ANOS1: variants seen among roughly 807,000 people sequenced by gnomAD.
The protein encoded by ANOS1 is anosmin 1.
ANOS1 carries 6 observed loss-of-function variants against 59.0 expected under a neutral mutation model. The ratio of observed to expected loss-of-function variants is 0.10; its 90% CI spans 0.06 to 0.20. The LOEUF (loss-of-function observed/expected upper bound fraction) is 0.20, where lower values mean the gene tolerates loss of function less well. Among genes scored for constraint, ANOS1 ranks in the 10% least tolerant of loss-of-function variants. The pLI, the probability that ANOS1 is intolerant of heterozygous loss-of-function variation, is 1.00. For synonymous variants in ANOS1, 217 were observed against 223.4 expected (o/e 0.97, Z 0.25); for missense variants, 433 against 542.3 (o/e 0.80, Z 2.00).
In ANOS1 at chrX:8,585,319, C is replaced by T; in HGVS notation, c.804G>A (p.Val268=). The T allele has an allele frequency of 8.3e-7, 1 of 1,209,923 alleles. No individual in the cohort carries two copies. Among genetic ancestry groups the T allele is most frequent in the Non-Finnish European group, 1.1e-6 (1 of 893,740 alleles). ...WYQFRVAAVN[V]HGTRGFTAPS... is the part of the protein sequence containing the mutation. ...GGGCAGTGAAGCCTCGAGTTCCATG[C>T]ACATTCACAGCAGCCACTCGAAACT... is the stretch of plus-strand genomic sequence containing the variant. The change falls in exon 6 of 14, where the codon GTG becomes GTA. Residue 268 remains valine (V), a synonymous_variant. Transcript: ENST00000262648.
intron 3 of ANOS1, among the ~76,000 whole-genome samples, chrX:8,599,241 G>C (rs1930797533): frequency 8.9e-6 from 1 of 112,332 alleles, no homozygotes; most frequent in African/African-American, 3.2e-5. Context: ...GTTCCTCAAC[G>C]TTGGAAGTGG....
intron 3 of ANOS1, among the ~76,000 whole-genome samples, chrX:8,615,490 C>A (rs767624516): frequency 1.9e-5 from 2 of 104,464 alleles, no homozygotes; most frequent in African/African-American, 7.1e-5. Flanking sequence ...TTGCACTGAG[C>A]CGAGATCGTG....
intron 2 of ANOS1, among the ~76,000 whole-genome samples, chrX:8,658,649 A>G (rs1202842737): frequency 8.9e-6 from 1 of 112,439 alleles, no homozygotes; most frequent in African/African-American, 3.2e-5. Flanking sequence ...AATTGTAGCC[A>G]TGGAACAACC....
intron 2 of ANOS1, among the ~76,000 whole-genome samples, chrX:8,657,914 G>A (rs1931961257): frequency 1.8e-5 from 2 of 111,272 alleles, no homozygotes; most frequent in African/African-American, 6.5e-5. Flanking sequence ...GTACCTGGGG[G>A]TCACCTGCAC....
intron 8 of ANOS1, among the ~76,000 whole-genome samples, chrX:8,558,293 C>T (rs1327228754): frequency 3.6e-5 from 4 of 111,061 alleles, no homozygotes; most frequent in Non-Finnish European, 7.5e-5. Flanking sequence ...GCATGTTCTG[C>T]ACATGTATCC....
At chrX:8,694,421 C>A (rs1427534166) in intron 2 of ANOS1, among the ~76,000 whole-genome samples, 1 of 112,602 alleles carries the variant, frequency 8.9e-6, no homozygotes, top group Non-Finnish European at 1.9e-5. Context: ...GTAATCCCAG[C>A]ACTTTGGGAG....
intron 4 of ANOS1, among the ~76,000 whole-genome samples, chrX:8,590,232 A>G (rs974193047): frequency 2.7e-5 from 3 of 111,854 alleles, no homozygotes; most frequent in Non-Finnish European, 3.8e-5. Context: ...TTATTTGTCA[A>G]TCTATCTCCT....
chrX:8,704,620 A>T (rs1233872823), intron 1 of ANOS1, among the ~76,000 whole-genome samples: 3 of 112,790 alleles, frequency 2.7e-5, no homozygotes, highest in Non-Finnish European at 3.7e-5. Flanking sequence ...TGTCATTACA[A>T]AGAAATATTT....
chrX:8,560,487 C>T (rs945373728), intron 8 of ANOS1, among the ~76,000 whole-genome samples: 30 of 111,896 alleles, frequency 2.7e-4, no homozygotes, highest in Admixed American at 4.7e-4. Flanking sequence ...TACTGTTGTA[C>T]CCCCCAAACA....
chrX:8,724,040 T>C (rs6638861), intron 1 of ANOS1, among the ~76,000 whole-genome samples: 2,145 of 112,624 alleles, frequency 0.019, 50 homozygotes, highest in African/African-American at 0.066. Flanking sequence ...AGAAACTAAA[T>C]TCAAGTAACA....
intron 1 of ANOS1, among the ~76,000 whole-genome samples, chrX:8,730,219 T>C (rs763653140): frequency 8.0e-4 from 90 of 112,292 alleles, no homozygotes; most frequent in Non-Finnish European, 1.5e-3. Flanking sequence ...TTTCAAACAA[T>C]AGTGTGGCAT....
chrX:8,615,542 CA>C (rs34060774), intron 3 of ANOS1, among the ~76,000 whole-genome samples: 141 of 58,028 alleles, frequency 2.4e-3, no homozygotes, highest in African/African-American at 4.9e-3. Context: ...GACCCTGTCT[CA>C]AAAAAAAAAA....
At chrX:8,713,921 T>C (rs1932827554) in intron 1 of ANOS1, among the ~76,000 whole-genome samples, 1 of 112,106 alleles carries the variant, frequency 8.9e-6, no homozygotes, top group South Asian at 3.7e-4. Context: ...CCCAAATGTC[T>C]CTCTTCTCTC....
chrX:8,603,567 A>G (rs1930884675), intron 3 of ANOS1, among the ~76,000 whole-genome samples: 1 of 112,491 alleles, frequency 8.9e-6, no homozygotes, highest in African/African-American at 3.2e-5. Context: ...AGACAGTACT[A>G]TCTTTGTTTA....
At chrX:8,557,010 C>T (rs1929960737) in intron 8 of ANOS1, among the ~76,000 whole-genome samples, 2 of 111,280 alleles carry the variant, frequency 1.8e-5, no homozygotes, top group African/African-American at 6.6e-5. Context: ...ACAGAGGCCT[C>T]AGAAATAACA....
intron 3 of ANOS1, among the ~76,000 whole-genome samples, chrX:8,611,256 A>AAAAT (rs58514297): frequency 0.35 from 36,153 of 103,031 alleles, 5,493 homozygotes; most frequent in Middle Eastern, 0.38. Context: ...ACAATGATTT[A>AAAAT]AAATAAATAA....
intron 9 of ANOS1, among the ~76,000 whole-genome samples, chrX:8,546,065 A>G (rs988025515): frequency 8.0e-5 from 9 of 112,201 alleles, no homozygotes; most frequent in African/African-American, 2.9e-4. Context: ...ATCCAGCCAA[A>G]GTGTCCTTTC....
At chrX:8,555,611 A>G (rs1255846325) in intron 8 of ANOS1, among the ~76,000 whole-genome samples, 1 of 112,153 alleles carries the variant, frequency 8.9e-6, no homozygotes, top group Non-Finnish European at 1.9e-5. Flanking sequence ...CCTCTATGCA[A>G]ATAAACTAGA....
chrX:8,641,978 T>C (rs1249907790), intron 2 of ANOS1, among the ~76,000 whole-genome samples: 2 of 111,350 alleles, frequency 1.8e-5, no homozygotes, highest in African/African-American at 6.5e-5. Flanking sequence ...ATTAGTAAAG[T>C]TTTATGTATA....
Sources: gnomAD v4.1 joint callset for allele counts (sites outside exome capture counted in the v4.1 genomes callset) on GRCh38, gnomAD v4.1.1 for gene constraint, MANE v1.5 for transcripts, NCBI Gene and HGNC (gene_info 2026-07-23, HGNC 2026-07-21) for gene names.